Variants in UNC5C observed in about 807,000 individuals in gnomAD.
UNC5C encodes netrin receptor UNC5C.
In UNC5C, 47 loss-of-function variants were observed where a neutral mutation model predicts 99.8. That is an observed-to-expected ratio of 0.47 (90% confidence interval 0.37 to 0.60). The LOEUF is 0.60. Among genes scored for constraint, UNC5C ranks in the 20% least tolerant of loss-of-function variants. The pLI is 0.00. For synonymous variants in UNC5C, 487 were observed against 452.2 expected (o/e 1.08, Z -0.98); for missense variants, 1,062 against 1,165.9 (o/e 0.91, Z 1.30).
intron 1 of UNC5C, among the ~76,000 whole-genome samples, chr4:95,350,161 G>T (rs1743932909): frequency 6.6e-6 from 1 of 152,006 alleles, no homozygotes; most frequent in Admixed American, 6.6e-5. Context: ...AGAAACGTTT[G>T]CTAATATGTG....
intron 12 of UNC5C, among the ~76,000 whole-genome samples, chr4:95,185,721 T>TC (rs1385292751): frequency 6.6e-6 from 1 of 152,184 alleles, no homozygotes; most frequent in Non-Finnish European, 1.5e-5. Context: ...TATAGTTACT[T>TC]CAAGTACAGA....
At chr4:95,376,239 T>C (rs185858044) in intron 1 of UNC5C, among the ~76,000 whole-genome samples, 291 of 151,774 alleles carry the variant, frequency 1.9e-3, no homozygotes, top group African/African-American at 6.0e-3. Context: ...TATGTGTATG[T>C]ATATATATAT....
intron 2 of UNC5C, among the ~76,000 whole-genome samples, chr4:95,303,033 G>C (rs1741932161): frequency 6.6e-6 from 1 of 152,122 alleles, no homozygotes; most frequent in African/African-American, 2.4e-5. Flanking sequence ...GAGCAGGAGG[G>C]ACAGGACATA....
intron 1 of UNC5C, among the ~76,000 whole-genome samples, chr4:95,389,657 A>G (rs1375862378): frequency 2.0e-5 from 3 of 152,146 alleles, no homozygotes; most frequent in Non-Finnish European, 4.4e-5. Flanking sequence ...TAACTTGGGT[A>G]TGTAAATTTA....
At chr4:95,274,830 G>C (rs548546440) in intron 4 of UNC5C, among the ~76,000 whole-genome samples, 1 of 151,884 alleles carries the variant, frequency 6.6e-6, no homozygotes, top group Non-Finnish European at 1.5e-5. Context: ...GTTTGAGATC[G>C]GCCTGGCCAA....
At chr4:95,228,812 C>T (rs984478140) in intron 7 of UNC5C, among the ~76,000 whole-genome samples, 1 of 152,140 alleles carries the variant, frequency 6.6e-6, no homozygotes, top group South Asian at 2.1e-4. Flanking sequence ...CATTTATAGT[C>T]ATGACACTTA....
At chr4:95,214,070 C>T (rs1008732649) in intron 10 of UNC5C, among the ~76,000 whole-genome samples, 1 of 152,132 alleles carries the variant, frequency 6.6e-6, no homozygotes, top group East Asian at 1.9e-4. Flanking sequence ...GCTTGCAGAA[C>T]GTAGTGAGAA....
At chr4:95,223,303 A>G (rs1738546679) in intron 7 of UNC5C, among the ~76,000 whole-genome samples, 1 of 152,226 alleles carries the variant, frequency 6.6e-6, no homozygotes, top group African/African-American at 2.4e-5. Context: ...GATTAATAAA[A>G]TGAAGATGAC....
rs542700089 is a variant in UNC5C, at chr4:95,337,376, T to G, written c.125-1745A>C. Among the ~76,000 whole-genome samples the G allele has an allele frequency of 3.3e-5, 5 of 152,100 alleles. No homozygotes were observed. In the East Asian group the frequency reaches 9.6e-4, roughly 29 times the overall value. ...GGAATGATTGCAAGATACAGATGAT[T>G]GTATACTACCTTACCTTATTCAATA... is the stretch of plus-strand genomic sequence containing the variant. On this transcript the variant is annotated intron_variant, in intron 1 of 15. Coordinates refer to ENST00000453304, the MANE Select transcript of UNC5C (RefSeq NM_003728.4).
chr4:95,334,233 C>G (rs1231992612), intron 2 of UNC5C, among the ~76,000 whole-genome samples: 2 of 151,972 alleles, frequency 1.3e-5, no homozygotes, highest in Non-Finnish European at 2.9e-5. Flanking sequence ...TGTCGGAGAT[C>G]TTGAAAGTAG....
At chr4:95,422,735 G>A (rs991497355) in intron 1 of UNC5C, among the ~76,000 whole-genome samples, 7 of 152,054 alleles carry the variant, frequency 4.6e-5, no homozygotes, top group African/African-American at 1.2e-4. Flanking sequence ...TTTGCTTTAC[G>A]GTGTGCATGT....
intron 1 of UNC5C, among the ~76,000 whole-genome samples, chr4:95,487,625 T>C (rs1201061236): frequency 6.6e-6 from 1 of 151,776 alleles, no homozygotes; most frequent in African/African-American, 2.4e-5. Flanking sequence ...AAAAAGTTTT[T>C]CATTTTGAGC....
intron 3 of UNC5C, among the ~76,000 whole-genome samples, chr4:95,294,392 C>A (rs1433043024): frequency 6.6e-6 from 1 of 152,178 alleles, no homozygotes; most frequent in Non-Finnish European, 1.5e-5. Flanking sequence ...ATCCTTAATT[C>A]TTTCTAGGAA....
At chr4:95,261,743 G>A (rs990652258) in intron 4 of UNC5C, among the ~76,000 whole-genome samples, 39 of 147,240 alleles carry the variant, frequency 2.6e-4, no homozygotes, top group South Asian at 1.5e-3. Context: ...TCGCTCTGTC[G>A]CCCAGGCTGG....
At chr4:95,340,183 C>T (rs1743512520) in intron 1 of UNC5C, among the ~76,000 whole-genome samples, 1 of 152,022 alleles carries the variant, frequency 6.6e-6, no homozygotes, top group Non-Finnish European at 1.5e-5. Flanking sequence ...CTTTAGGTTG[C>T]TGATTTTATT....
intron 2 of UNC5C, among the ~76,000 whole-genome samples, chr4:95,321,611 A>G (rs1187279999): frequency 6.6e-6 from 1 of 152,202 alleles, no homozygotes; most frequent in East Asian, 1.9e-4. Flanking sequence ...ACACTAATAA[A>G]TGAAAAATAA....
At chr4:95,387,126 T>G (rs1321185408) in intron 1 of UNC5C, among the ~76,000 whole-genome samples, 1 of 152,120 alleles carries the variant, frequency 6.6e-6, no homozygotes, top group Non-Finnish European at 1.5e-5. Flanking sequence ...TGTCTCTCTA[T>G]CTCACTCTCT....
At chr4:95,298,162 A>T (rs552282707) in intron 3 of UNC5C, among the ~76,000 whole-genome samples, 5 of 152,140 alleles carry the variant, frequency 3.3e-5, no homozygotes, top group Admixed American at 6.5e-5. Context: ...AATGCAAAAA[A>T]GTAGCTGGTC....
chr4:95,371,434 G>T (rs1579364983), intron 1 of UNC5C, among the ~76,000 whole-genome samples: 1 of 19,526 alleles, frequency 5.1e-5, no homozygotes, highest in South Asian at 2.3e-3. Flanking sequence ...GGGGGGGGGG[G>T]AGTATCAAAT....
Sources: allele counts gnomAD v4.1 joint callset (sites outside exome capture counted in the v4.1 genomes callset), GRCh38; gene constraint gnomAD v4.1.1; transcripts MANE v1.5; gene names NCBI Gene and HGNC (gene_info 2026-07-23, HGNC 2026-07-21).